The following COP1 variants were observed in gnomAD, a reference collection of about 807,000 sequenced individuals.
The protein encoded by COP1 is E3 ubiquitin-protein ligase COP1.
Under a neutral mutation model 101.3 loss-of-function variants are expected in COP1, and 24 were observed. The ratio of observed to expected loss-of-function variants is 0.24; its 90% CI spans 0.17 to 0.33. The LOEUF is 0.33. COP1 is among the 10% of genes least tolerant of loss of function. The pLI is 1.00. For missense variants in COP1, 663 were observed against 906.2 expected, an observed-to-expected ratio of 0.73 and a Z score of 3.45; for synonymous variants, 347 against 341.9, an observed-to-expected ratio of 1.01 and a Z score of -0.17.
intron 11 of COP1, among the ~76,000 whole-genome samples, chr1:176,074,475 T>G (rs1677601787): frequency 6.6e-6 from 1 of 152,106 alleles, no homozygotes; most frequent in Non-Finnish European, 1.5e-5. Flanking sequence ...AAACATTAAT[T>G]TGGTGTAATT....
chr1:175,967,082 AC>A (rs1354541163), intron 18 of COP1, among the ~76,000 whole-genome samples: 1 of 152,240 alleles, frequency 6.6e-6, no homozygotes, highest in Non-Finnish European at 1.5e-5. Context: ...AATGAACAGA[AC>A]AGTGGATTTC....
chr1:176,183,188 G>A (rs1698004434), intron 2 of COP1, among the ~76,000 whole-genome samples: 1 of 152,160 alleles, frequency 6.6e-6, no homozygotes, highest in East Asian at 1.9e-4. Context: ...CAGATGAAAC[G>A]AAAGATCTTA....
In COP1 at chr1:176,081,435, T is replaced by G; in HGVS notation, c.1142-148A>C. ...CTAAAGACTAGTTTACACAATTTAATTGGTCAGTTTTTCAGTTTTAATAAA... is the reference window on the plus strand; with the variant it reads ...CTAAAGACTAGTTTACACAATTTAAGTGGTCAGTTTTTCAGTTTTAATAAA... On this transcript the variant is annotated intron_variant, in intron 10 of 19. Coordinates refer to ENST00000367669, the MANE Select transcript of COP1 (RefSeq NM_022457.7). The G allele has an allele frequency of 3.6e-6, 2 of 554,716 alleles. 1 individual carries two copies. Among genetic ancestry groups the G allele is most frequent in the Non-Finnish European group, 5.9e-6 (2 of 337,470 alleles). 34.4% of individuals were successfully genotyped at this position (554,716 alleles called of 1,614,324 possible). A position where few individuals can be genotyped will look rare whatever the true frequency, so the allele number is the denominator to read the frequency against.
chr1:176,025,491 CA>C (rs1360191780), intron 15 of COP1, among the ~76,000 whole-genome samples: 1 of 145,854 alleles, frequency 6.9e-6, no homozygotes, highest in Non-Finnish European at 1.5e-5. Flanking sequence ...AAAGAGTGGA[CA>C]ATAAAATTTT....
At chr1:176,039,163 A>G (rs563583536) in intron 14 of COP1, among the ~76,000 whole-genome samples, 2 of 152,352 alleles carry the variant, frequency 1.3e-5, no homozygotes, top group East Asian at 3.9e-4. Flanking sequence ...ACTAGAAATC[A>G]GTAACAGAAA....
chr1:176,003,204 G>GTTTGTTT (rs1662202594), intron 15 of COP1, among the ~76,000 whole-genome samples: 3 of 149,602 alleles, frequency 2.0e-5, no homozygotes, highest in Non-Finnish European at 3.0e-5. Flanking sequence ...TGATGGGGTT[G>GTTTGTTT]TTTTCTTGTA....
At chr1:176,008,512 TA>T (rs1475118177) in intron 15 of COP1, among the ~76,000 whole-genome samples, 2 of 152,242 alleles carry the variant, frequency 1.3e-5, no homozygotes, top group Admixed American at 1.3e-4. Flanking sequence ...ATATTTGTCA[TA>T]TTTTCCTTTA....
intron 8 of COP1, among the ~76,000 whole-genome samples, chr1:176,118,766 A>T (rs1686620488): frequency 6.6e-6 from 1 of 152,152 alleles, no homozygotes; most frequent in African/African-American, 2.4e-5. Context: ...ACAAACAAAC[A>T]AACAAAAAAA....
At position 176,184,707 on chromosome 1, in the gene COP1, A is replaced by G; in HGVS notation, c.408-15T>C. On this transcript the variant is annotated splice_polypyrimidine_tract_variant and intron_variant, in intron 1 of 19. Transcript: ENST00000367669. Reference sequence around the variant, plus strand: ...AGCAGATGGGGCTAAAAAGAAAAGAAAAATAATTGATTTTTTTTTAAAAGT... The same window carrying G: ...AGCAGATGGGGCTAAAAAGAAAAGAGAAATAATTGATTTTTTTTTAAAAGT... The G allele has an allele frequency of 1.3e-6, 2 of 1,586,014 alleles. No individual in the cohort carries two copies. Among genetic ancestry groups the G allele is most frequent in the Non-Finnish European group, 1.7e-6 (2 of 1,163,212 alleles).
chr1:176,048,396 A>G (rs1671890837), intron 11 of COP1, among the ~76,000 whole-genome samples: 1 of 152,050 alleles, frequency 6.6e-6, no homozygotes. Flanking sequence ...CAATTCAGCA[A>G]ATGTTCCCTC....
intron 14 of COP1, among the ~76,000 whole-genome samples, chr1:176,042,136 C>T (rs750669702): frequency 3.3e-5 from 5 of 151,138 alleles, no homozygotes; most frequent in South Asian, 2.1e-4. Flanking sequence ...CCGAGTGTGG[C>T]GGTGCACACC....
chr1:176,042,710 G>A (rs1242107199), intron 14 of COP1, among the ~76,000 whole-genome samples: 4 of 132,904 alleles, frequency 3.0e-5, no homozygotes, highest in South Asian at 2.5e-4. Context: ...CAGCCTGGGC[G>A]ACACAGTGAA....
intron 14 of COP1, among the ~76,000 whole-genome samples, chr1:176,040,831 T>A (rs2149161603): frequency 6.6e-6 from 1 of 152,264 alleles, no homozygotes; most frequent in Middle Eastern, 3.4e-3. Flanking sequence ...ATGCTAGAGC[T>A]ATCCTTGCCT....
chr1:176,198,241 T>C (rs150268706), intron 1 of COP1, among the ~76,000 whole-genome samples: 40 of 152,280 alleles, frequency 2.6e-4, no homozygotes, highest in African/African-American at 9.1e-4. Flanking sequence ...AGATGTACTA[T>C]AATAATACCA....
intron 15 of COP1, among the ~76,000 whole-genome samples, chr1:175,997,185 T>G (rs1009612699): frequency 3.3e-4 from 50 of 150,194 alleles, no homozygotes; most frequent in Admixed American, 1.4e-3. Flanking sequence ...CTGGGAAAAC[T>G]GGCTAGCCAT....
chr1:176,194,244 G>A (rs1159581326), intron 1 of COP1, among the ~76,000 whole-genome samples: 1 of 152,022 alleles, frequency 6.6e-6, no homozygotes, highest in African/African-American at 2.4e-5. Flanking sequence ...AAAAGAAATA[G>A]AAGAGACAAA....
intron 8 of COP1, among the ~76,000 whole-genome samples, chr1:176,122,583 C>T (rs538660074): frequency 1.2e-4 from 19 of 152,150 alleles, no homozygotes; most frequent in Non-Finnish European, 2.6e-4. Context: ...ACAACAGACG[C>T]TATCACAGTG....
At position 175,994,008 on chromosome 1, in the gene COP1, A is replaced by C. The variant is rs949433931; in HGVS notation, c.1730-4529T>G. On this transcript the variant is annotated intron_variant, in intron 15 of 19. Transcript: ENST00000367669. ...GCAGCCAGAGAGAAAGGTCGGGTTA[A>C]CCACAAAGGGAAGCCCATCAGACTA... Among the ~76,000 whole-genome samples the C allele has an allele frequency of 3.9e-5, 6 of 152,268 alleles. 1 individual carries two copies. The South Asian group carries it at 6.2e-4, about 16-fold the overall frequency.
At chr1:176,167,981 T>C (rs1695393990) in intron 3 of COP1, among the ~76,000 whole-genome samples, 1 of 152,116 alleles carries the variant, frequency 6.6e-6, no homozygotes, top group Non-Finnish European at 1.5e-5. Flanking sequence ...AACAGGGATT[T>C]TACACGTTGC....
Sources: allele counts gnomAD v4.1 joint callset (sites outside exome capture counted in the v4.1 genomes callset), GRCh38; gene constraint gnomAD v4.1.1; transcripts MANE v1.5; gene names NCBI Gene and HGNC (gene_info 2026-07-23, HGNC 2026-07-21).